SEMA5B: variants seen among roughly 807,000 people sequenced by gnomAD.
The protein encoded by SEMA5B is semaphorin 5B, also known as semaphorin-5B.
Under a neutral mutation model 135.0 loss-of-function variants are expected in SEMA5B, and 66 were observed. The observed-to-expected ratio is 0.49, with a 90% CI of 0.40 to 0.60. The LOEUF (loss-of-function observed/expected upper bound fraction) is 0.60, where lower values mean the gene tolerates loss of function less well. Among genes scored for constraint, SEMA5B ranks in the 20% least tolerant of loss-of-function variants. The pLI is 0.00. For synonymous variants in SEMA5B, 690 were observed against 639.5 expected (o/e 1.08, Z -1.19); for missense variants, 1,501 against 1,566.3 (o/e 0.96, Z 0.70).
At chr3:122,993,028 G>C (rs1271635891) in intron 1 of SEMA5B, 1 of 152,328 alleles carries the variant, frequency 6.6e-6, no homozygotes. Flanking sequence ...TGGGGCTGAT[G>C]AGGAGTTCTC....
Position 122,976,053 on chromosome 3 carries a change from G to A in SEMA5B, c.-38-14752C>T, listed in dbSNP as rs1479355225. ...CCCTGTAGAATGCCCTCTCCCAAAT[G>A]CCAGCTCATCTATGAAGCTCCTTCT... On this transcript the variant is annotated intron_variant, in intron 1 of 22. Transcript: ENST00000357599. 5 of 1,534,940 alleles carry A rather than the reference G, an allele frequency of 3.3e-6. No homozygotes were observed. In the East Asian group the frequency reaches 7.3e-5, roughly 23 times the overall value.
At chr3:122,991,832 C>T (rs943134120) in intron 1 of SEMA5B, among the ~76,000 whole-genome samples, 10 of 152,128 alleles carry the variant, frequency 6.6e-5, no homozygotes, top group Admixed American at 6.5e-4. Flanking sequence ...GAAACATACT[C>T]ATGGTATGAG....
rs779296918 is a variant in SEMA5B at position 122,923,649 on chromosome 3, G to T, written c.1240C>A (p.Leu414Ile). The change falls in exon 10 of 23, where the codon CTC (leucine) becomes ATC (isoleucine). Residue 414 changes from leucine to isoleucine, a missense_variant. By Grantham distance (5) the Leu-to-Ile change is conservative. Transcript: ENST00000357599. ...RYQENPRAAWLPIANPIPNFQ... is the reference protein window; with the variant it reads ...RYQENPRAAWIPIANPIPNFQ... ...TTGGGGATGGGGTTGGCTATGGGGA[G>T]CCAGGCAGCCCTGGGGTTCTCCTGG... 1.2e-6 allele frequency: 2 copies of T among 1,614,132 alleles called. No individual in the cohort carries two copies. Among genetic ancestry groups the T allele is most frequent in the Admixed American group, 3.3e-5 (2 of 60,026 alleles).
intron 1 of SEMA5B, among the ~76,000 whole-genome samples, chr3:123,008,780 G>A (rs1267268273): frequency 6.6e-6 from 1 of 152,170 alleles, no homozygotes; most frequent in Non-Finnish European, 1.5e-5. Flanking sequence ...GACAGGGGGA[G>A]AGAGGCATGG....
chr3:122,913,889 G>A lies in SEMA5B; in HGVS notation c.2101C>T (p.Arg701Cys), dbSNP rs1937918489. 6 of 1,611,800 alleles carry A rather than the reference G, an allele frequency of 3.7e-6. No individual in the cohort carries two copies. The highest frequency in any genetic ancestry group is 5.1e-6 in the Non-Finnish European group (6 of 1,179,134). ...CSNPAPRHGGRICVGKSREER... is the reference protein window; with the variant it reads ...CSNPAPRHGGCICVGKSREER... Reference sequence around the variant, plus strand: ...TCCCGGCTCTTGCCCACGCAGATGCGGCCCCCGTGGCGGGGAGCAGGGTTG... The same window carrying A: ...TCCCGGCTCTTGCCCACGCAGATGCAGCCCCCGTGGCGGGGAGCAGGGTTG... Residue 701 changes from arginine (R) to cysteine (C), a missense_variant, in exon 15 of 23, where the codon CGC (arginine) becomes TGC (cysteine). Transcript: ENST00000357599.
At chr3:122,967,181 A>G (rs530569012) in intron 1 of SEMA5B, among the ~76,000 whole-genome samples, 69 of 152,236 alleles carry the variant, frequency 4.5e-4, no homozygotes, top group Non-Finnish European at 7.8e-4. Context: ...CACTGTGCCC[A>G]GCCTTAAGAA....
intron 2 of SEMA5B, among the ~76,000 whole-genome samples, chr3:122,958,497 C>T (rs1370275047): frequency 6.6e-6 from 1 of 152,216 alleles, no homozygotes; most frequent in Admixed American, 6.5e-5. Context: ...AAGTGGGCTT[C>T]TCCGTGGGGG....
rs1181322307 is a variant in SEMA5B, at chr3:122,948,538, G to A, written c.296C>T (p.Ala99Val). The A allele has an allele frequency of 5.6e-6, 9 of 1,610,062 alleles. No individual in the cohort carries two copies. In the South Asian group the frequency reaches 8.8e-5, roughly 16 times the overall value. ...SEPSSEQQLC[A>V]LSKHPTVAFE... is the part of the protein sequence containing the mutation. Reference sequence around the variant, plus strand: ...GGCCACGGTGGGGTGCTTGCTAAGGGCGCACAGCTGCTGCTCACTGCTGGG... The same window carrying A: ...GGCCACGGTGGGGTGCTTGCTAAGGACGCACAGCTGCTGCTCACTGCTGGG... Residue 99 changes from alanine to valine, a missense_variant, in exon 3 of 23, where the codon GCC (alanine) becomes GTC (valine). Ala to Val is a moderately conservative substitution (Grantham distance 64). Coordinates refer to ENST00000357599, the MANE Select transcript of SEMA5B (RefSeq NM_001031702.4).
At chr3:123,013,628 C>G (rs900007760) in intron 1 of SEMA5B, among the ~76,000 whole-genome samples, 2 of 152,204 alleles carry the variant, frequency 1.3e-5, no homozygotes, top group African/African-American at 4.8e-5. Context: ...TCCTCCCACT[C>G]CAAGCTGGCT....
At chr3:123,019,675 C>T (rs551962763) in intron 1 of SEMA5B, among the ~76,000 whole-genome samples, 4 of 152,226 alleles carry the variant, frequency 2.6e-5, no homozygotes, top group South Asian at 2.1e-4. Context: ...TTTACCAGGC[C>T]GTTGTATAGT....
chr3:123,001,121 T>C (rs1242407918), intron 1 of SEMA5B, among the ~76,000 whole-genome samples: 2 of 152,070 alleles, frequency 1.3e-5, no homozygotes, highest in Non-Finnish European at 2.9e-5. Context: ...TAGGGGGTGA[T>C]GCTGGAGAAG....
At chr3:123,009,956 T>C (rs1942398560) in intron 1 of SEMA5B, among the ~76,000 whole-genome samples, 1 of 152,168 alleles carries the variant, frequency 6.6e-6, no homozygotes, top group Non-Finnish European at 1.5e-5. Flanking sequence ...GGCATGGTGA[T>C]GCAGTACAGG....
intron 1 of SEMA5B, chr3:122,976,198 GCT>G: frequency 1.3e-6 from 2 of 1,503,110 alleles, no homozygotes; most frequent in Non-Finnish European, 1.8e-6. Flanking sequence ...CTCAAAATGT[GCT>G]CCTAGGACCA....
At chr3:122,997,524 C>A (rs114808439) in intron 1 of SEMA5B, among the ~76,000 whole-genome samples, 3,348 of 151,472 alleles carry the variant, frequency 0.022, 91 homozygotes, top group South Asian at 0.049. Context: ...CCTCTCCCCC[C>A]CCCGTCTCCA....
rs182009182 is a variant in SEMA5B, at chr3:122,952,204, A to G, written c.125-3495T>C. Among the ~76,000 whole-genome samples the G allele has an allele frequency of 1.6e-3, 240 of 152,194 alleles. 2 individuals are homozygous for G. The highest frequency in any genetic ancestry group is 6.8e-3 in the Middle Eastern group (2 of 294). Reference sequence around the variant, plus strand: ...TGATCCAAACCTACTCCCTTGAATGATTTTTCACACCGTCACTCACATGGA... The same window carrying G: ...TGATCCAAACCTACTCCCTTGAATGGTTTTTCACACCGTCACTCACATGGA... On this transcript the variant is annotated intron_variant, in intron 2 of 22. Transcript: ENST00000357599.
chr3:122,950,802 T>C (rs1235175612), intron 2 of SEMA5B, among the ~76,000 whole-genome samples: 2 of 152,202 alleles, frequency 1.3e-5, no homozygotes, highest in Admixed American at 1.3e-4. Context: ...CATTGTGCCA[T>C]CCTTTGAAAG....
At chr3:122,945,462 C>T (rs549480858) in intron 3 of SEMA5B, among the ~76,000 whole-genome samples, 1 of 152,286 alleles carries the variant, frequency 6.6e-6, no homozygotes, top group African/African-American at 2.4e-5. Flanking sequence ...TCCTGGATTA[C>T]AACCTCTCCA....
intron 1 of SEMA5B, among the ~76,000 whole-genome samples, chr3:122,962,364 T>C (rs887413675): frequency 6.6e-6 from 1 of 152,158 alleles, no homozygotes; most frequent in African/African-American, 2.4e-5. Flanking sequence ...AAGAAGGAGC[T>C]ACTGCTGGAG....
At position 122,946,636 on chromosome 3, in the gene SEMA5B, C is replaced by T. The variant is rs138813698; in HGVS notation, c.328+1870G>A. Among the ~76,000 whole-genome samples the T allele has an allele frequency of 2.8e-3, 427 of 152,212 alleles. 1 individual carries two copies. Among genetic ancestry groups the T allele is most frequent in the Non-Finnish European group, 4.7e-3 (318 of 68,020 alleles). ...ACCAGTCCTGGTCCAGGACCAGAAC[C>T]AGTACCAGCTGGGCTGAGGGACCAA... is the stretch of plus-strand genomic sequence containing the variant. On this transcript the variant is annotated intron_variant, in intron 3 of 22. Transcript: ENST00000357599.
Sources: gnomAD v4.1 joint callset for allele counts (sites outside exome capture counted in the v4.1 genomes callset) on GRCh38, gnomAD v4.1.1 for gene constraint, MANE v1.5 for transcripts, NCBI Gene and HGNC (gene_info 2026-07-23, HGNC 2026-07-21) for gene names.